Variants in BPNT2 observed in about 807,000 individuals in gnomAD.
The protein encoded by BPNT2 is Golgi-resident adenosine 3',5'-bisphosphate 3'-phosphatase.
A neutral mutation model predicts 29.3 loss-of-function variants in BPNT2; 11 were observed. The observed-to-expected ratio is 0.38, with a 90% CI of 0.24 to 0.62. The LOEUF (loss-of-function observed/expected upper bound fraction) is 0.62. Among genes scored for constraint, BPNT2 ranks in the 20% least tolerant of loss-of-function variants. The pLI is 0.62. For missense variants in BPNT2, 459 were observed against 473.4 expected, an observed-to-expected ratio of 0.97 and a Z score of 0.28; for synonymous variants, 195 against 187.7, an observed-to-expected ratio of 1.04 and a Z score of -0.32.
At chr8:56,967,160 C>A (rs1397925966) in intron 3 of BPNT2, 1 of 456,114 alleles carries the variant, frequency 2.2e-6, no homozygotes, top group Non-Finnish European at 4.4e-6. Context: ...CACTACAGGG[C>A]AAGATATAGT....
intron 1 of BPNT2, among the ~76,000 whole-genome samples, chr8:56,989,842 G>A (rs1806387856): frequency 6.6e-6 from 1 of 152,114 alleles, no homozygotes; most frequent in South Asian, 2.1e-4. Context: ...TCTCCCAAGT[G>A]CATTTTACTC....
Position 56,963,019 on chromosome 8 carries a change from T to C in BPNT2, c.*774A>G, listed in dbSNP as rs1219599467. 7 of 152,212 alleles carry C rather than the reference T, an allele frequency of 4.6e-5. No homozygotes were observed. The highest frequency in any genetic ancestry group is 8.8e-5 in the Non-Finnish European group (6 of 68,030). 9.4% of individuals were successfully genotyped at this position (152,212 alleles called of 1,614,324 possible). A position where few individuals can be genotyped will look rare whatever the true frequency, so the allele number is the denominator to read the frequency against. On this transcript the variant is annotated 3_prime_UTR_variant, in exon 5 of 5. Coordinates refer to ENST00000262644, the MANE Select transcript of BPNT2 (RefSeq NM_017813.5). ...CCTTACAAAGTTAAAGACTAAGTGTTGGTCAGAAGGAAAAGGATGCAACCA... is the reference window on the plus strand; with the variant it reads ...CCTTACAAAGTTAAAGACTAAGTGTCGGTCAGAAGGAAAAGGATGCAACCA...
At chr8:56,969,073 C>T (rs372245757) in intron 3 of BPNT2, among the ~76,000 whole-genome samples, 4 of 152,134 alleles carry the variant, frequency 2.6e-5, no homozygotes, top group African/African-American at 9.7e-5. Context: ...ATGTCTGGAG[C>T]CACCAGAAGC....
At chr8:56,968,536 G>A (rs558178770) in intron 3 of BPNT2, among the ~76,000 whole-genome samples, 1 of 152,284 alleles carries the variant, frequency 6.6e-6, no homozygotes, top group African/African-American at 2.4e-5. Flanking sequence ...TGGGCTCAGT[G>A]GCTTGTGCCT....
chr8:56,984,709 C>A (rs897961571), intron 1 of BPNT2, among the ~76,000 whole-genome samples: 7 of 152,186 alleles, frequency 4.6e-5, no homozygotes, highest in Admixed American at 2.6e-4. Context: ...CCCTTCTCAA[C>A]CCAGCAACCT....
intron 3 of BPNT2, among the ~76,000 whole-genome samples, chr8:56,974,975 A>G (rs1333652252): frequency 1.3e-5 from 2 of 152,166 alleles, no homozygotes; most frequent in Non-Finnish European, 2.9e-5. Context: ...TCCTTTATTG[A>G]GCTTCCAATT....
In BPNT2 at chr8:56,980,528, C is replaced by T. The variant is rs866090862; in HGVS notation, c.388-331G>A. ...AACAATGCTTTATGAAAGATAATAG[C>T]TCTAAAGTGTGAAAATAGACAATAT... On this transcript the variant is annotated intron_variant, in intron 1 of 4. Coordinates refer to ENST00000262644, the MANE Select transcript of BPNT2 (RefSeq NM_017813.5). Among the ~76,000 whole-genome samples, 35 of 151,864 alleles carry T rather than the reference C, an allele frequency of 2.3e-4. 1 individual carries two copies. The highest frequency in any genetic ancestry group is 8.2e-4 in the African/African-American group (34 of 41,336).
At position 56,992,123 on chromosome 8, in the gene BPNT2, G is replaced by A. The variant is rs566420694; in HGVS notation, c.387+1076C>T. 1.1e-3 allele frequency among the ~76,000 whole-genome samples: 162 copies of A among 152,290 alleles called. 2 individuals carry two copies. Among genetic ancestry groups the A allele is most frequent in the Non-Finnish European group, 1.9e-4 (13 of 68,018 alleles). On this transcript the variant is annotated intron_variant, in intron 1 of 4. Coordinates refer to ENST00000262644, the MANE Select transcript of BPNT2 (RefSeq NM_017813.5). ...AAAGCAATATTATGATAGACTGGAAGAAGCCTTATGCAAAATACATAACTA... is the reference window on the plus strand; with the variant it reads ...AAAGCAATATTATGATAGACTGGAAAAAGCCTTATGCAAAATACATAACTA...
At chr8:56,992,056 C>A (rs1445284911) in intron 1 of BPNT2, among the ~76,000 whole-genome samples, 2 of 151,230 alleles carry the variant, frequency 1.3e-5, no homozygotes, top group Admixed American at 1.3e-4. Context: ...AAGAAAAAGA[C>A]GAAAGAAAAG....
chr8:56,967,280 T>C (rs1805967783), intron 3 of BPNT2: 2 of 456,210 alleles, frequency 4.4e-6, no homozygotes, highest in South Asian at 1.5e-5. Flanking sequence ...CCAAGAATGA[T>C]GGCAGTCTCC....
chr8:56,985,194 T>C (rs1347146680), intron 1 of BPNT2, among the ~76,000 whole-genome samples: 1 of 152,112 alleles, frequency 6.6e-6, no homozygotes, highest in East Asian at 1.9e-4. Context: ...GTAAATTCTG[T>C]GGGTGCAAGG....
Position 56,963,966 on chromosome 8 carries a change from C to A in BPNT2, c.907G>T (p.Ala303Ser). Residue 303 changes from alanine (A) to serine (S), a missense_variant, in exon 5 of 5, where the codon GCT becomes TCT. Ala to Ser is a moderately conservative substitution (Grantham distance 99, BLOSUM62 1). Transcript: ENST00000262644. ...VTYIKKWDIC[A>S]GNAILKALGG... ...AGGGCTTTTAAGATGGCATTACCAG[C>A]ACATATATCCCACTTTTTGATGTAT... is the stretch of plus-strand genomic sequence containing the variant. 6.2e-7 allele frequency: 1 copy of A among 1,613,802 alleles called. No individual in the cohort carries two copies. Among genetic ancestry groups the A allele is most frequent in the Middle Eastern group, 1.7e-4 (1 of 6,060 alleles).
intron 1 of BPNT2, among the ~76,000 whole-genome samples, chr8:56,988,886 G>A (rs1297049676): frequency 6.6e-6 from 1 of 152,084 alleles, no homozygotes; most frequent in Admixed American, 6.5e-5. Context: ...AGTTATTTTT[G>A]ACATATCCCT....
rs1032773408 is a variant in BPNT2, at chr8:56,958,935, A to G, written c.*4858T>C. The G allele has an allele frequency of 2.0e-5, 3 of 152,192 alleles. No homozygotes were observed. Among genetic ancestry groups the G allele is most frequent in the African/African-American group, 4.8e-5 (2 of 41,450 alleles). 9.4% of individuals were successfully genotyped at this position (152,192 alleles called of 1,614,324 possible). On this transcript the variant is annotated 3_prime_UTR_variant, in exon 5 of 5. Transcript: ENST00000262644. The stretch of plus-strand genomic sequence containing the variant: ...ATTTCAGTGACGGAGGGGATGAAAT[A>G]TTTTTTGGTTAATTGATGTAATGAT...
At position 56,966,187 on chromosome 8, in the gene BPNT2, A is replaced by G; in HGVS notation, c.808+4T>C. The G allele has an allele frequency of 6.2e-7, 1 of 1,614,112 alleles. No homozygotes were observed. The highest frequency in any genetic ancestry group is 2.2e-5 in the East Asian group (1 of 44,880). On this transcript the variant is annotated splice_donor_region_variant and intron_variant, in intron 4 of 4. Transcript: ENST00000262644. ...CCAGGGACCACACAGGAAGAGGAACATACCAGCACCACCAGCTGGGATAAT... is the reference window on the plus strand; with the variant it reads ...CCAGGGACCACACAGGAAGAGGAACGTACCAGCACCACCAGCTGGGATAAT...
intron 3 of BPNT2, among the ~76,000 whole-genome samples, chr8:56,973,464 A>G (rs1050736549): frequency 2.0e-5 from 3 of 152,218 alleles, no homozygotes; most frequent in Admixed American, 6.5e-5. Flanking sequence ...GCCCAAAATA[A>G]TAAGTTCCTG....
Position 56,993,609 on chromosome 8 carries a change from G to T in BPNT2, c.-24C>A, listed in dbSNP as rs1393959367. 14 of 1,399,242 alleles carry T rather than the reference G, an allele frequency of 1.0e-5. No homozygotes were observed. Among genetic ancestry groups the T allele is most frequent in the Non-Finnish European group, 1.2e-5 (13 of 1,071,004 alleles). The allele number at this position is 1,399,242 out of a possible 1,614,324, so 86.7% of individuals were successfully genotyped here. ...ATGGCGTGGGAAGCCGGGCGCTCCG[G>T]GCTGCGGCTCTCACAGGCCTCCAGC... On this transcript the variant is annotated 5_prime_UTR_variant, in exon 1 of 5. Coordinates refer to ENST00000262644, the MANE Select transcript of BPNT2 (RefSeq NM_017813.5).
At position 56,959,360 on chromosome 8, in the gene BPNT2, A is replaced by G. The variant is rs1805789569; in HGVS notation, c.*4433T>C. On this transcript the variant is annotated 3_prime_UTR_variant, in exon 5 of 5. Transcript: ENST00000262644. ...GGCTTTGATGAAATAAAAATAAACG[A>G]TTTACATAAGCAGTACCTGGTAAAA... 6.6e-6 allele frequency: 1 copy of G among 152,202 alleles called. No homozygotes were observed. 9.4% of individuals were successfully genotyped at this position (152,202 alleles called of 1,614,324 possible).
At chr8:56,977,977 G>T in intron 3 of BPNT2, 73 bp downstream of exon 3, 1 of 952,314 alleles carries the variant, frequency 1.1e-6, no homozygotes. Flanking sequence ...ACAAATTTAG[G>T]TACATGACAG....
Sources: allele counts gnomAD v4.1 joint callset (sites outside exome capture counted in the v4.1 genomes callset), GRCh38; gene constraint gnomAD v4.1.1; transcripts MANE v1.5; gene names NCBI Gene and HGNC (gene_info 2026-07-23, HGNC 2026-07-21).